NREP: variants seen among roughly 807,000 people sequenced by gnomAD.
NREP encodes the protein neuronal regeneration-related protein.
In NREP, 5 loss-of-function variants were observed where a neutral mutation model predicts 8.6. That is an observed-to-expected ratio of 0.58 (90% CI 0.30 to 1.22). NREP has a LOEUF of 1.22. Among genes scored for constraint, NREP ranks in the 50% most tolerant of loss-of-function variants. The probability of loss-of-function intolerance (pLI) is 0.07; values close to 1 mark genes in which losing one functional copy is unlikely to be tolerated. For missense variants in NREP, 86 were observed against 82.5 expected (o/e 1.04, Z -0.17); for synonymous variants, 27 against 28.0 (o/e 0.96, Z 0.11).
intron 2 of NREP, among the ~76,000 whole-genome samples, chr5:111,802,684 C>T (rs978291192): frequency 6.6e-6 from 1 of 152,168 alleles, no homozygotes; most frequent in African/African-American, 2.4e-5. Flanking sequence ...TCTTTCAGCA[C>T]ATGTTAAGGG....
intron 2 of NREP, among the ~76,000 whole-genome samples, chr5:111,765,326 T>C (rs1476935021): frequency 6.6e-6 from 1 of 152,202 alleles, no homozygotes; most frequent in African/African-American, 2.4e-5. Context: ...TCCCGCTGTA[T>C]GGCCTGGTTC....
intron 2 of NREP, among the ~76,000 whole-genome samples, chr5:111,768,169 C>T (rs1316236220): frequency 6.6e-6 from 1 of 152,148 alleles, no homozygotes; most frequent in African/African-American, 2.4e-5. Flanking sequence ...GAAGCTGCCC[C>T]TCTCTCTGTC....
intron 2 of NREP, among the ~76,000 whole-genome samples, chr5:111,746,798 A>T (rs1750034974): frequency 1.3e-5 from 2 of 152,192 alleles, no homozygotes; most frequent in African/African-American, 4.8e-5. Flanking sequence ...GGGGTGGGCT[A>T]GTTCATATGA....
rs181698540 is a variant in NREP, at chr5:111,941,647, C to T, written c.135+33627G>A. On this transcript the variant is annotated intron_variant, in intron 2 of 3. Coordinates refer to the NREP transcript ENST00000395634. The stretch of plus-strand genomic sequence containing the variant: ...AAATTTTGGGGATGACATAGTTCTG[C>T]TCCTAACACTTTTACATTTGATGAA... 3.1e-3 allele frequency among the ~76,000 whole-genome samples: 476 copies of T among 152,174 alleles called. 1 individual carries two copies. The highest frequency in any genetic ancestry group is 5.0e-3 in the Non-Finnish European group (341 of 67,972).
chr5:111,862,736 G>A lies in NREP; in HGVS notation c.135+112538C>T, dbSNP rs184974486. ...CATGACAGACAGGACTTAAAATATC[G>A]AGTTTACAATCTACTAAAGACGACA... On this transcript the variant is annotated intron_variant, in intron 2 of 3. Coordinates refer to the NREP transcript ENST00000395634. 1.7e-4 allele frequency among the ~76,000 whole-genome samples: 26 copies of A among 151,854 alleles called. No homozygotes were observed. In the East Asian group the frequency reaches 3.3e-3, roughly 19 times the overall value.
chr5:111,752,274 C>A (rs1750409217), intron 2 of NREP, among the ~76,000 whole-genome samples: 1 of 152,188 alleles, frequency 6.6e-6, no homozygotes, highest in Admixed American at 6.5e-5. Context: ...TGAATTATCT[C>A]TATAGCTCAA....
At chr5:111,791,670 T>C (rs1164829288) in intron 2 of NREP, among the ~76,000 whole-genome samples, 1 of 152,064 alleles carries the variant, frequency 6.6e-6, no homozygotes, top group Non-Finnish European at 1.5e-5. Context: ...ACAGGGTTTC[T>C]CTGTGTTGCC....
intron 2 of NREP, among the ~76,000 whole-genome samples, chr5:111,864,521 T>A (rs1222905116): frequency 2.6e-5 from 4 of 152,032 alleles, no homozygotes; most frequent in African/African-American, 9.7e-5. Context: ...ATACATATAA[T>A]GAAAAAGCAG....
intron 2 of NREP, among the ~76,000 whole-genome samples, chr5:111,884,472 T>C (rs1376210548): frequency 6.6e-6 from 1 of 152,276 alleles, no homozygotes; most frequent in African/African-American, 2.4e-5. Context: ...TAACTCATTT[T>C]ATGAGGCCAG....
chr5:111,835,006 C>T (rs780553465), intron 2 of NREP, among the ~76,000 whole-genome samples: 3 of 152,158 alleles, frequency 2.0e-5, no homozygotes, highest in Non-Finnish European at 2.9e-5. Flanking sequence ...CAAGAAGGCA[C>T]CTCCTATGAA....
intron 2 of NREP, among the ~76,000 whole-genome samples, chr5:111,964,640 G>C (rs1756580877): frequency 6.6e-6 from 1 of 151,992 alleles, no homozygotes; most frequent in Non-Finnish European, 1.5e-5. Context: ...AAAGTCCTGG[G>C]ATTACAGGAG....
At chr5:111,882,913 A>G (rs901503442) in intron 2 of NREP, among the ~76,000 whole-genome samples, 14 of 152,258 alleles carry the variant, frequency 9.2e-5, no homozygotes, top group African/African-American at 3.1e-4. Flanking sequence ...AAGAAACTGC[A>G]TCAACTAATG....
chr5:111,755,817 C>A lies in NREP; in HGVS notation c.-45G>T, dbSNP rs1367968305. 1.2e-6 allele frequency: 2 copies of A among 1,613,148 alleles called. No homozygotes were observed. The highest frequency in any genetic ancestry group is 1.7e-5 in the Admixed American group (1 of 60,000). On this transcript the variant is annotated 5_prime_UTR_variant, in exon 2 of 4. Coordinates refer to ENST00000257435, the MANE Select transcript of NREP (RefSeq NM_004772.4). ...GGCTTCTATTCTCCCTCTCTTCAGT[C>A]CAGGGAGACCAACCTGCAAAATATG... is the stretch of plus-strand genomic sequence containing the variant.
At chr5:111,957,381 A>C (rs1756354344) in intron 2 of NREP, among the ~76,000 whole-genome samples, 1 of 151,958 alleles carries the variant, frequency 6.6e-6, no homozygotes, top group South Asian at 2.1e-4. Flanking sequence ...AGAGTCAATA[A>C]ATATTAAACA....
chr5:111,885,977 C>G (rs1754235264), intron 2 of NREP, among the ~76,000 whole-genome samples: 1 of 152,284 alleles, frequency 6.6e-6, no homozygotes, highest in East Asian at 1.9e-4. Context: ...CAAATGGGAT[C>G]TAATTAAACT....
chr5:111,793,685 C>T (rs1751806113), intron 2 of NREP, among the ~76,000 whole-genome samples: 1 of 152,186 alleles, frequency 6.6e-6, no homozygotes, highest in African/African-American at 2.4e-5. Context: ...AATTAACCAT[C>T]ACAGGAGCCC....
intron 2 of NREP, among the ~76,000 whole-genome samples, chr5:111,857,494 A>G (rs1431306509): frequency 6.6e-6 from 1 of 152,202 alleles, no homozygotes; most frequent in East Asian, 1.9e-4. Context: ...TACTCCTGAA[A>G]TCAAACTCTA....
chr5:111,934,445 A>C (rs773032610), intron 2 of NREP, among the ~76,000 whole-genome samples: 1 of 152,098 alleles, frequency 6.6e-6, no homozygotes, highest in African/African-American at 2.4e-5. Context: ...GAGGAAAGAG[A>C]AAAGAACATG....
chr5:111,918,774 G>A (rs934776723), intron 2 of NREP, among the ~76,000 whole-genome samples: 20 of 152,112 alleles, frequency 1.3e-4, no homozygotes, highest in African/African-American at 4.1e-4. Context: ...GAAAACCTAC[G>A]CAATTCCATT....
Sources: allele counts gnomAD v4.1 joint callset (sites outside exome capture counted in the v4.1 genomes callset), GRCh38; gene constraint gnomAD v4.1.1; transcripts MANE v1.5; gene names NCBI Gene and HGNC (gene_info 2026-07-23, HGNC 2026-07-21).